FHIT: variants seen among roughly 807,000 people sequenced by gnomAD.
FHIT encodes bis(5'-adenosyl)-triphosphatase.
In FHIT, 19 loss-of-function variants were observed where a neutral mutation model predicts 17.9. The ratio of observed to expected loss-of-function variants is 1.06; its 90% CI spans 0.74 to 1.56. The LOEUF (loss-of-function observed/expected upper bound fraction) is 1.56, where lower values mean the gene tolerates loss of function less well. Among genes scored for constraint, FHIT ranks in the 40% most tolerant of loss-of-function variants. The probability of loss-of-function intolerance (pLI) is 0.00; values close to 1 mark genes in which losing one functional copy is unlikely to be tolerated. For synonymous variants in FHIT, 81 were observed against 69.7 expected (o/e 1.16, Z -0.81); for missense variants, 248 against 189.2 (o/e 1.31, Z -1.82).
At chr3:59,799,837 T>A (rs532198776) in intron 8 of FHIT, among the ~76,000 whole-genome samples, 25 of 152,148 alleles carry the variant, frequency 1.6e-4, no homozygotes, top group African/African-American at 5.3e-4. Context: ...AAGAAAAAAG[T>A]CCCTTGTGGG....
chr3:60,510,596 C>G (rs191905238), intron 5 of FHIT, among the ~76,000 whole-genome samples: 52 of 149,620 alleles, frequency 3.5e-4, no homozygotes, highest in African/African-American at 1.2e-3. Flanking sequence ...AAAATGAGAT[C>G]TCATGGGAGA....
At chr3:60,117,750 G>C (rs1247086007) in intron 5 of FHIT, among the ~76,000 whole-genome samples, 1 of 152,068 alleles carries the variant, frequency 6.6e-6, no homozygotes, top group African/African-American at 2.4e-5. Flanking sequence ...GGCTGCAAGG[G>C]TAGATGATGA....
At chr3:60,868,940 T>C (rs1553754439) in intron 3 of FHIT, among the ~76,000 whole-genome samples, 1 of 152,104 alleles carries the variant, frequency 6.6e-6, no homozygotes, top group African/African-American at 2.4e-5. Flanking sequence ...AGAAACTTAA[T>C]TATCTACATT....
chr3:60,986,984 A>T (rs1710746505), intron 3 of FHIT, among the ~76,000 whole-genome samples: 1 of 152,194 alleles, frequency 6.6e-6, no homozygotes, highest in Non-Finnish European at 1.5e-5. Flanking sequence ...GATGGGTCTT[A>T]TTCATCATCT....
At chr3:61,047,243 G>A (rs1208405843) in intron 2 of FHIT, among the ~76,000 whole-genome samples, 2 of 152,130 alleles carry the variant, frequency 1.3e-5, no homozygotes, top group Non-Finnish European at 2.9e-5. Flanking sequence ...CATCGTCTCA[G>A]CCCAAAATCT....
chr3:59,968,302 T>C (rs1418273166), intron 7 of FHIT, among the ~76,000 whole-genome samples: 2 of 152,056 alleles, frequency 1.3e-5, no homozygotes, highest in African/African-American at 4.8e-5. Flanking sequence ...CAATATGAAC[T>C]GTAGATTTTT....
intron 8 of FHIT, among the ~76,000 whole-genome samples, chr3:59,916,474 T>C (rs1021286204): frequency 6.6e-6 from 1 of 152,182 alleles, no homozygotes; most frequent in African/African-American, 2.4e-5. Flanking sequence ...TAAACTCTCC[T>C]TCATATATAC....
At chr3:60,488,018 A>G (rs1260302047) in intron 5 of FHIT, among the ~76,000 whole-genome samples, 1 of 152,210 alleles carries the variant, frequency 6.6e-6, no homozygotes, top group East Asian at 1.9e-4. Flanking sequence ...TGAAGCCAAC[A>G]TTCTGTGATC....
At chr3:60,976,096 C>CTTTTTCT (rs1424446334) in intron 3 of FHIT, among the ~76,000 whole-genome samples, 4 of 66,754 alleles carry the variant, frequency 6.0e-5, no homozygotes, top group African/African-American at 2.0e-4. Context: ...TTTTCTTTTT[C>CTTTTTCT]TTTTTTTTTT....
At chr3:60,661,530 T>C (rs2040247299) in intron 4 of FHIT, among the ~76,000 whole-genome samples, 1 of 152,182 alleles carries the variant, frequency 6.6e-6, no homozygotes, top group Non-Finnish European at 1.5e-5. Context: ...GCAAGTATCT[T>C]TTTTGTATAA....
intron 5 of FHIT, among the ~76,000 whole-genome samples, chr3:60,457,000 A>G (rs925650042): frequency 4.6e-5 from 7 of 152,178 alleles, no homozygotes. Flanking sequence ...AAATGGCCAT[A>G]CTGCCCAAGG....
intron 1 of FHIT, among the ~76,000 whole-genome samples, chr3:61,242,529 C>T (rs1023461339): frequency 1.3e-5 from 2 of 152,156 alleles, no homozygotes; most frequent in Admixed American, 1.3e-4. Flanking sequence ...CCTTTTGTAA[C>T]CACCCAACAG....
intron 5 of FHIT, among the ~76,000 whole-genome samples, chr3:60,261,816 T>C (rs138466532): frequency 1.6e-3 from 244 of 152,002 alleles, no homozygotes; most frequent in African/African-American, 5.8e-3. Flanking sequence ...ACCTCTGCAG[T>C]ACATCATTAA....
intron 4 of FHIT, among the ~76,000 whole-genome samples, chr3:60,588,612 C>A (rs188029749): frequency 1.3e-5 from 2 of 151,996 alleles, no homozygotes; most frequent in African/African-American, 4.8e-5. Context: ...GGATCCAAGA[C>A]TGCATTTGCA....
At chr3:60,394,111 G>A (rs1433696143) in intron 5 of FHIT, among the ~76,000 whole-genome samples, 2 of 152,116 alleles carry the variant, frequency 1.3e-5, no homozygotes, top group Non-Finnish European at 2.9e-5. Context: ...GGGGAAGGAT[G>A]TGTAAGATAG....
chr3:60,352,491 AG>A (rs1301383124), intron 5 of FHIT, among the ~76,000 whole-genome samples: 9 of 152,062 alleles, frequency 5.9e-5, no homozygotes, highest in Admixed American at 1.3e-4. Context: ...TTTTTCTAAA[AG>A]CATTTCTTTT....
At chr3:60,368,239 G>T (rs1700191196) in intron 5 of FHIT, among the ~76,000 whole-genome samples, 1 of 148,806 alleles carries the variant, frequency 6.7e-6, no homozygotes, top group Admixed American at 6.7e-5. Flanking sequence ...TTTCCAAAGT[G>T]ATTGTACCAT....
chr3:59,871,683 T>A (rs1459761182), intron 8 of FHIT, among the ~76,000 whole-genome samples: 1 of 152,198 alleles, frequency 6.6e-6, no homozygotes, highest in Non-Finnish European at 1.5e-5. Context: ...AAAGAGTCTT[T>A]GAGAGATTAG....
chr3:61,012,892 T>C (rs192789269), intron 3 of FHIT, among the ~76,000 whole-genome samples: 2 of 151,982 alleles, frequency 1.3e-5, no homozygotes, highest in African/African-American at 4.8e-5. Flanking sequence ...TTGATAAAAT[T>C]CTGTGAGACA....
Sources: allele counts gnomAD v4.1 joint callset (sites outside exome capture counted in the v4.1 genomes callset), GRCh38; gene constraint gnomAD v4.1.1; transcripts MANE v1.5; gene names NCBI Gene and HGNC (gene_info 2026-07-23, HGNC 2026-07-21).